BRD4: variants seen among roughly 807,000 people sequenced by gnomAD.
BRD4 encodes bromodomain containing 4.
Under a neutral mutation model 142.1 loss-of-function variants are expected in BRD4, and 16 were observed. The observed-to-expected ratio is 0.11, with a 90% CI of 0.08 to 0.17. The LOEUF (loss-of-function observed/expected upper bound fraction) is 0.17. BRD4 is among the 10% of genes least tolerant of loss of function. The pLI, the probability that BRD4 is intolerant of heterozygous loss-of-function variation, is 1.00. For missense variants in BRD4, 1,424 were observed against 1,810.9 expected, an observed-to-expected ratio of 0.79 and a Z score of 3.88; for synonymous variants, 833 against 707.5, an observed-to-expected ratio of 1.18 and a Z score of -2.82.
At chr19:15,292,575 G>A (rs898327878) in intron 1 of BRD4, among the ~76,000 whole-genome samples, 16 of 151,942 alleles carry the variant, frequency 1.1e-4, no homozygotes, top group Non-Finnish European at 2.9e-5. Context: ...TCAGGAGATC[G>A]AGACCATCTT....
chr19:15,309,171 A>G (rs1439735154), intron 1 of BRD4, among the ~76,000 whole-genome samples: 1 of 151,686 alleles, frequency 6.6e-6, no homozygotes, highest in African/African-American at 2.4e-5. Context: ...ATCTCTACTA[A>G]AAATACAAAA....
chr19:15,256,030 GT>G, intron 9 of BRD4, 33 bp downstream of exon 9: 1 of 1,608,080 alleles, frequency 6.2e-7, no homozygotes, highest in East Asian at 2.2e-5. Context: ...TGGAAGGAGG[GT>G]CCCCACCCAG....
intron 9 of BRD4, 68 bp downstream of exon 9, chr19:15,255,996 C>T: frequency 3.8e-6 from 6 of 1,582,244 alleles, no homozygotes; most frequent in East Asian, 2.2e-5. Flanking sequence ...GGGGCAGTGG[C>T]CCACACAGTC....
chr19:15,328,633 G>A (rs1281919203), intron 1 of BRD4, among the ~76,000 whole-genome samples: 2 of 152,182 alleles, frequency 1.3e-5, no homozygotes, highest in Non-Finnish European at 2.9e-5. Flanking sequence ...TGGCATTACG[G>A]CATGCAAAAT....
At chr19:15,264,123 G>A (rs1206842807) in intron 6 of BRD4, 1 of 394,276 alleles carries the variant, frequency 2.5e-6, no homozygotes, top group Non-Finnish European at 4.6e-6. Context: ...GGTACCTGGG[G>A]CACTGGGCCC....
intron 1 of BRD4, among the ~76,000 whole-genome samples, chr19:15,304,157 C>T (rs571063217): frequency 3.9e-5 from 6 of 152,320 alleles, no homozygotes; most frequent in African/African-American, 7.2e-5. Context: ...TCTATTCTTC[C>T]GCAAGTCATT....
In BRD4 at chr19:15,264,661, C is replaced by A; in HGVS notation, c.955G>T (p.Gly319Cys). The A allele has an allele frequency of 1.9e-6, 3 of 1,613,702 alleles. No homozygotes were observed. The highest frequency in any genetic ancestry group is 1.7e-6 in the Non-Finnish European group (2 of 1,179,998). Reference protein sequence around the residue: ...LPPEPKTTKLGQRRESSRPVK... With the variant: ...LPPEPKTTKLCQRRESSRPVK... ...GGCCGGCTGCTCTCCCGCCGCTGGC[C>A]CAGCTTGGTGGTCTTGGGCTCCGGG... Residue 319 changes from glycine (G) to cysteine (C), a missense_variant, in exon 6 of 20, where the codon GGC becomes TGC. This residue lies in a region of BRD4 where 86 missense variants were observed against 79.9 expected (regional missense o/e 1.08). Coordinates refer to ENST00000679869, the MANE Select transcript of BRD4 (RefSeq NM_001379291.1).
At chr19:15,278,105 CAAAAAAAAAAAAAAAA>C (rs59204229) in intron 1 of BRD4, among the ~76,000 whole-genome samples, 1,427 of 55,104 alleles carry the variant, frequency 0.026, 23 homozygotes, top group Middle Eastern at 0.05. Context: ...GACTCCGTCT[CAAAAAAAAAAAAAAAA>C]AAAAAAAAAA....
intron 4 of BRD4, 35 bp downstream of exon 4, chr19:15,267,381 A>G (rs760848281): frequency 1.2e-6 from 2 of 1,607,722 alleles, no homozygotes; most frequent in Admixed American, 1.7e-5. Context: ...AAGGTCGGGG[A>G]GAAAGCCAAT....
rs201671102 is a variant in BRD4, at chr19:15,244,241, G to C, written c.2571C>G (p.Val857=). 12 of 1,566,708 alleles carry C rather than the reference G, an allele frequency of 7.7e-6. No homozygotes were observed. Among genetic ancestry groups the C allele is most frequent in the Admixed American group, 3.8e-5 (2 of 52,826 alleles). The stretch of plus-strand genomic sequence containing the variant: ...CAGGCCACGGCTCACCTGGAGGAGA[G>C]ACCACTGCGTGCTGGTTGAGATGGG... ...TPPHLNQHAV[V]SPPALHNALP... The change falls in exon 13 of 20, where the codon GTC becomes GTG. Residue 857 remains valine (V), a synonymous_variant. Coordinates refer to ENST00000679869, the MANE Select transcript of BRD4 (RefSeq NM_001379291.1).
At position 15,310,777 on chromosome 19, in the gene BRD4, G is replaced by C. The variant is rs980101889; in HGVS notation, c.-35+21513C>G. Among the ~76,000 whole-genome samples, 863 of 151,830 alleles carry C rather than the reference G, an allele frequency of 5.7e-3. 8 individuals carry two copies. The highest frequency in any genetic ancestry group is 0.02 in the African/African-American group (821 of 41,450). Reference sequence around the variant, plus strand: ...CCCAAAGTGCTAGGATTACAGGCATGAGCCACCGTGCCTGGCCTTAAACAG... The same window carrying C: ...CCCAAAGTGCTAGGATTACAGGCATCAGCCACCGTGCCTGGCCTTAAACAG... On this transcript the variant is annotated intron_variant, in intron 1 of 19. Transcript: ENST00000679869.
intron 1 of BRD4, among the ~76,000 whole-genome samples, chr19:15,312,353 G>A (rs2047978590): frequency 2.0e-5 from 3 of 151,952 alleles, no homozygotes; most frequent in Non-Finnish European, 4.4e-5. Context: ...CAAAAAAGGG[G>A]CCAGGTGCGG....
chr19:15,312,586 C>A (rs146522209), intron 1 of BRD4, among the ~76,000 whole-genome samples: 164 of 151,672 alleles, frequency 1.1e-3, no homozygotes, highest in African/African-American at 3.9e-3. Flanking sequence ...GAGCCGAGAT[C>A]GCACCATTGC....
At chr19:15,255,072 A>G (rs2047391466) in intron 10 of BRD4, among the ~76,000 whole-genome samples, 1 of 152,128 alleles carries the variant, frequency 6.6e-6, no homozygotes, top group Non-Finnish European at 1.5e-5. Flanking sequence ...AACAAGGTGC[A>G]GAGAGGCCCC....
intron 1 of BRD4, among the ~76,000 whole-genome samples, chr19:15,306,190 C>T (rs1455951997): frequency 6.6e-6 from 1 of 152,228 alleles, no homozygotes; most frequent in Non-Finnish European, 1.5e-5. Flanking sequence ...CTTTTAATTT[C>T]CTTCGAGAAC....
intron 1 of BRD4, among the ~76,000 whole-genome samples, chr19:15,323,800 T>G (rs1568413014): frequency 1.3e-5 from 2 of 152,126 alleles, no homozygotes; most frequent in Admixed American, 1.3e-4. Context: ...TGACCACACA[T>G]ACTAAGTAGG....
intron 1 of BRD4, among the ~76,000 whole-genome samples, chr19:15,292,762 A>G (rs2047791977): frequency 8.1e-6 from 1 of 123,968 alleles, no homozygotes; most frequent in African/African-American, 3.1e-5. Context: ...TAGGTGACAG[A>G]TCAAGACTCC....
chr19:15,271,297 T>C (rs927781755), intron 2 of BRD4, among the ~76,000 whole-genome samples: 5 of 152,206 alleles, frequency 3.3e-5, no homozygotes, highest in Admixed American at 2.0e-4. Flanking sequence ...CCAAGCTTCT[T>C]GAAATGGTGG....
At chr19:15,260,573 CG>C (rs2047458141) in intron 7 of BRD4, among the ~76,000 whole-genome samples, 1 of 152,152 alleles carries the variant, frequency 6.6e-6, no homozygotes. Flanking sequence ...CAAGGGCAGG[CG>C]AAACAGGCTG....
Sources: allele counts gnomAD v4.1 joint callset (sites outside exome capture counted in the v4.1 genomes callset), GRCh38; gene constraint gnomAD v4.1.1; regional missense constraint gnomAD v4.1.1; transcripts MANE v1.5; gene names NCBI Gene and HGNC (gene_info 2026-07-23, HGNC 2026-07-21).